HAP1: variants seen among roughly 807,000 people sequenced by gnomAD.
HAP1 encodes huntingtin-associated protein 1.
Under a neutral mutation model 60.3 loss-of-function variants are expected in HAP1, and 59 were observed. The observed-to-expected ratio is 0.98, with a 90% CI of 0.79 to 1.22. The LOEUF (loss-of-function observed/expected upper bound fraction) is 1.22, where lower values mean the gene tolerates loss of function less well. Ranked by LOEUF, HAP1 falls within the 50% of genes most tolerant of loss-of-function variation. The probability of loss-of-function intolerance (pLI) is 0.00; values close to 1 mark genes in which losing one functional copy is unlikely to be tolerated. For missense variants in HAP1, 825 were observed against 785.3 expected (o/e 1.05, Z -0.60); for synonymous variants, 346 against 330.6 (o/e 1.05, Z -0.50).
intron 1 of HAP1, among the ~76,000 whole-genome samples, chr17:41,733,572 C>T (rs911325687): frequency 3.3e-5 from 5 of 151,810 alleles, no homozygotes; most frequent in Admixed American, 6.6e-5. Flanking sequence ...AGCCACTCAC[C>T]CTGCACCTGT....
At chr17:41,725,767 C>G in intron 10 of HAP1, 92 bp downstream of exon 10, 1 of 925,518 alleles carries the variant, frequency 1.1e-6, no homozygotes, top group Non-Finnish European at 1.8e-6. Flanking sequence ...GGGCCTTCTC[C>G]GGAGTTGCAG....
In HAP1 at chr17:41,732,809, C is replaced by T. The variant is rs1180500612; in HGVS notation, c.470-11G>A. 18 of 1,556,836 alleles carry T rather than the reference C, an allele frequency of 1.2e-5. No homozygotes were observed. Among genetic ancestry groups the T allele is most frequent in the East Asian group, 4.5e-5 (2 of 44,590 alleles). ...GGTTAGGACACAGTGCTGCAGGAGG[C>T]GGCAGGTGGGGAGAAAAGGCCCAGC... On this transcript the variant is annotated splice_polypyrimidine_tract_variant and intron_variant, in intron 1 of 10. Coordinates refer to ENST00000347901, the MANE Select transcript of HAP1 (RefSeq NM_177977.3).
rs1555589572 is a variant in HAP1, at chr17:41,728,307, T to C, written c.1094A>G (p.Glu365Gly). ...CCTGAGCACCAGCACCTCCGACAGC[T>C]CAGCCATCTGTTGGCTGGCCTCCGC... Reference protein sequence around the residue: ...QFSEASQQMAELSEVLVLRLE... With the variant: ...QFSEASQQMAGLSEVLVLRLE... The change falls in exon 7 of 11, where the codon GAG becomes GGG. Residue 365 changes from glutamate to glycine, a missense_variant. By Grantham distance (98) the Glu-to-Gly change is moderately conservative (BLOSUM62 -2). Transcript: ENST00000347901. The C allele has an allele frequency of 6.2e-7, 1 of 1,613,540 alleles. No individual in the cohort carries two copies.
intron 3 of HAP1, 26 bp from the exon 4 acceptor site, chr17:41,732,144 G>C: frequency 1.9e-6 from 3 of 1,612,578 alleles, no homozygotes; most frequent in Non-Finnish European, 2.5e-6. Flanking sequence ...AGGAGCCATG[G>C]GTTGGGAGTG....
chr17:41,728,959 T>G (rs1555589743), intron 6 of HAP1, among the ~76,000 whole-genome samples: 1 of 151,994 alleles, frequency 6.6e-6, no homozygotes, highest in African/African-American at 2.4e-5. Context: ...TATTTATTTA[T>G]TTATTTGAGA....
chr17:41,734,644 G>A (rs571752646), upstream of HAP1: 9 of 1,469,192 alleles, frequency 6.1e-6, no homozygotes, highest in South Asian at 1.2e-4. Flanking sequence ...TCTCGAGTCT[G>A]CCGTCCGCTG....
intron 6 of HAP1, chr17:41,730,376 G>A (rs1912099534): frequency 6.6e-6 from 1 of 152,266 alleles, no homozygotes; most frequent in African/African-American, 2.4e-5. Context: ...TGAGTAGCTG[G>A]GACCACAGGT....
At chr17:41,727,235 GCCA>G in intron 8 of HAP1, 91 bp from the exon 9 acceptor site, 4 of 812,836 alleles carry the variant, frequency 4.9e-6, no homozygotes, top group Non-Finnish European at 8.9e-6. Context: ...ATCTCAATCA[GCCA>G]CCAAGGCTGA....
intron 6 of HAP1, among the ~76,000 whole-genome samples, chr17:41,728,532 GGTCA>G (rs1488348821): frequency 6.6e-5 from 10 of 152,202 alleles, no homozygotes; most frequent in East Asian, 3.8e-4. Flanking sequence ...CAGGGTGAGT[GGTCA>G]GTAAGACCCA....
In HAP1 at chr17:41,725,897, C is replaced by T. The variant is rs202231489; in HGVS notation, c.1368G>A (p.Arg456=). ...TGTCCCCTCTGGGCATCTCATAATT[C>T]CTTCAAAGAGAAAAGGACCTTCATT... ...MISDPVYFME[R]NYEMPRGDTS... is the part of the protein sequence containing the mutation. The change falls in exon 10 of 11, where the codon AGG becomes AGA. Residue 456 remains arginine, a splice_region_variant and synonymous_variant. Transcript: ENST00000347901. The T allele has an allele frequency of 2.5e-6, 4 of 1,611,080 alleles. No homozygotes were observed. The highest frequency in any genetic ancestry group is 3.4e-6 in the Non-Finnish European group (4 of 1,177,336).
Position 41,724,637 on chromosome 17 carries a change from A to T in HAP1, c.*64T>A. On this transcript the variant is annotated 3_prime_UTR_variant, in exon 11 of 11. Coordinates refer to ENST00000347901, the MANE Select transcript of HAP1 (RefSeq NM_177977.3). ...ATGATATGCAAAGTCCATGCAAATA[A>T]GCACAGCAGGTAGAGCCAGGCTGGG... The T allele has an allele frequency of 1.7e-6, 2 of 1,203,858 alleles. No individual in the cohort carries two copies. The highest frequency in any genetic ancestry group is 2.4e-6 in the Non-Finnish European group (2 of 838,306). 74.6% of individuals were successfully genotyped at this position (1,203,858 alleles called of 1,614,324 possible).
At chr17:41,725,311 C>G (rs1212529134) in intron 10 of HAP1, among the ~76,000 whole-genome samples, 157 bp from the exon 11 acceptor site, 2 of 152,048 alleles carry the variant, frequency 1.3e-5, no homozygotes, top group Admixed American at 1.3e-4. Flanking sequence ...TTCAAATACC[C>G]AGCCCATCCC....
chr17:41,720,661 A>T (rs1911162873), downstream of HAP1, among the ~76,000 whole-genome samples: 1 of 152,186 alleles, frequency 6.6e-6, no homozygotes, highest in South Asian at 2.1e-4. Flanking sequence ...GAGGTAACAC[A>T]TTCTAATTTC....
At chr17:41,733,054 G>GTTTTTTTTTTTTTTTTTGTT (rs71155166) in intron 1 of HAP1, among the ~76,000 whole-genome samples, 1 of 99,080 alleles carries the variant, frequency 1.0e-5, no homozygotes, top group African/African-American at 4.1e-5. Flanking sequence ...TTTTTTTTTG[G>GTTTTTTTTTTTTTTTTTGTT]TTTTTTTTTT....
Position 41,725,059 on chromosome 17 carries a change from T to G in HAP1, c.1502A>C (p.Asp501Ala). ...CACGAACTCCTCCGCAGGCGTGAAA[T>G]CTTCCCCCCGCATGATATCCGCTGC... ...MLAADIMRGE[D>A]FTPAEEFVPQ... Residue 501 changes from aspartate (D) to alanine (A), a missense_variant, in exon 11 of 11, where the codon GAT becomes GCT. Transcript: ENST00000347901. 3.1e-6 allele frequency: 5 copies of G among 1,612,436 alleles called. No homozygotes were observed. The highest frequency in any genetic ancestry group is 4.2e-6 in the Non-Finnish European group (5 of 1,179,088).
intron 6 of HAP1, among the ~76,000 whole-genome samples, chr17:41,729,443 G>C (rs1271990129): frequency 7.2e-6 from 1 of 139,510 alleles, no homozygotes; most frequent in Non-Finnish European, 1.6e-5. Context: ...CCAGCTACTC[G>C]GGAGGCTGAG....
At chr17:41,722,138 A>G (rs955142617), downstream of HAP1, 2 of 152,300 alleles carry the variant, frequency 1.3e-5, no homozygotes, top group Non-Finnish European at 2.9e-5. Flanking sequence ...TCGGCCTCCC[A>G]AAGTGCTAGG....
intron 6 of HAP1, 115 bp from the exon 7 acceptor site, chr17:41,728,446 G>A (rs1555589638): frequency 3.5e-6 from 3 of 863,498 alleles, no homozygotes; most frequent in Non-Finnish European, 5.3e-6. Flanking sequence ...GTGCCAGTGG[G>A]TCCTGCAGGG....
Position 41,732,040 on chromosome 17 carries a change from C to T in HAP1, c.793G>A (p.Asp265Asn), listed in dbSNP as rs145563139. 6.1e-5 allele frequency: 97 copies of T among 1,586,944 alleles called. No individual in the cohort carries two copies. In the African/African-American group the frequency reaches 1.2e-3, roughly 20 times the overall value. Residue 265 changes from aspartate to asparagine, a missense_variant, in exon 4 of 11, where the codon GAT becomes AAT. By Grantham distance (23) the Asp-to-Asn change is conservative. Coordinates refer to ENST00000347901, the MANE Select transcript of HAP1 (RefSeq NM_177977.3). ...TTTTCTTCCTCCTCCTCTTCTTCAT[C>T]CTCATCCTCCTCATCAGAATCTGAG... is the stretch of plus-strand genomic sequence containing the variant. ...LYSDSDEEDEDEEEEEEEKEA... is the reference protein window; with the variant it reads ...LYSDSDEEDENEEEEEEEKEA...
Sources: gnomAD v4.1 joint callset for allele counts (sites outside exome capture counted in the v4.1 genomes callset) on GRCh38, gnomAD v4.1.1 for gene constraint, MANE v1.5 for transcripts, NCBI Gene and HGNC (gene_info 2026-07-23, HGNC 2026-07-21) for gene names.